C1QL2: variants seen among roughly 807,000 people sequenced by gnomAD.
C1QL2 encodes the protein complement C1q like 2.
Under a neutral mutation model 16.6 loss-of-function variants are expected in C1QL2, and 13 were observed. That is an observed-to-expected ratio of 0.78 (90% CI 0.51 to 1.25). C1QL2 has a LOEUF of 1.25. Among genes scored for constraint, C1QL2 ranks in the 50% most tolerant of loss-of-function variants. The probability of loss-of-function intolerance (pLI) is 0.00; values close to 1 mark genes in which losing one functional copy is unlikely to be tolerated. For missense variants in C1QL2, 396 were observed against 409.6 expected, an observed-to-expected ratio of 0.97 and a Z score of 0.29; for synonymous variants, 210 against 183.2, an observed-to-expected ratio of 1.15 and a Z score of -1.18.
Position 119,156,649 on chromosome 2 carries a change from G to T in C1QL2, c.*153C>A. 1.1e-6 allele frequency: 1 copy of T among 905,510 alleles called. No individual in the cohort carries two copies. The highest frequency in any genetic ancestry group is 1.6e-6 in the Non-Finnish European group (1 of 616,814). The allele number at this position is 905,510 out of a possible 1,614,324, so 56.1% of individuals were successfully genotyped here. The stretch of plus-strand genomic sequence containing the variant: ...GCGTGGTGGGTCGCAGACGCACTGA[G>T]GCCAGGAGCGGGGCAGGGAGGACGC... On this transcript the variant is annotated 3_prime_UTR_variant, in exon 2 of 2. Transcript: ENST00000272520.
In C1QL2 at chr2:119,158,287, C is replaced by A; in HGVS notation, c.-18G>T. The A allele has an allele frequency of 5.0e-6, 7 of 1,400,032 alleles. No individual in the cohort carries two copies. In the South Asian group the frequency reaches 1.1e-4, roughly 23 times the overall value. 86.7% of individuals were successfully genotyped at this position (1,400,032 alleles called of 1,614,324 possible). A position where few individuals can be genotyped will look rare whatever the true frequency, so the allele number is the denominator to read the frequency against. On this transcript the variant is annotated 5_prime_UTR_variant, in exon 1 of 2. Transcript: ENST00000272520. The stretch of plus-strand genomic sequence containing the variant: ...AGCGCCATGGCCAAGAGTACGCCGA[C>A]GGCCGCCAGGCAGGCACGCCGCCGC...
chr2:119,157,901 C>T lies in C1QL2; in HGVS notation c.369G>A (p.Ala123=). ...RPGLPGLQLT[A]GTASGVGVVG... is the part of the protein sequence containing the mutation. The stretch of plus-strand genomic sequence containing the variant: ...CCACCCCGACGCCGCTGGCCGTGCC[C>T]GCCGTCAGTTGCAGCCCTGGCAGCC... The change falls in exon 1 of 2, where the codon GCG becomes GCA. Residue 123 remains alanine, a synonymous_variant. Transcript: ENST00000272520. 6.4e-7 allele frequency: 1 copy of T among 1,565,840 alleles called. No individual in the cohort carries two copies. The highest frequency in any genetic ancestry group is 8.7e-7 in the Non-Finnish European group (1 of 1,156,022).
At position 119,158,356 on chromosome 2, in the gene C1QL2, C is replaced by G. The variant is rs1678002727; in HGVS notation, c.-87G>C. 8.5e-7 allele frequency: 1 copy of G among 1,169,822 alleles called. No individual in the cohort carries two copies. Among genetic ancestry groups the G allele is most frequent in the Non-Finnish European group, 1.1e-6 (1 of 919,458 alleles). The allele number at this position is 1,169,822 out of a possible 1,614,324, so 72.5% of individuals were successfully genotyped here. On this transcript the variant is annotated 5_prime_UTR_variant, in exon 1 of 2. Transcript: ENST00000272520. ...GCGACCGCCACCAGCTCCTCCTTGC[C>G]GCCCGGGGAGGTAATGGTGGGGCGG...
chr2:119,158,103 G>A lies in C1QL2; in HGVS notation c.167C>T (p.Thr56Ile). The A allele has an allele frequency of 6.5e-7, 1 of 1,532,752 alleles. No individual in the cohort carries two copies. The highest frequency in any genetic ancestry group is 1.7e-4 in the Middle Eastern group (1 of 5,724). 94.9% of individuals were successfully genotyped at this position (1,532,752 alleles called of 1,614,324 possible). The change falls in exon 1 of 2, where the codon ACC (threonine) becomes ATC (isoleucine). Residue 56 changes from threonine (T) to isoleucine (I), a missense_variant. Physicochemically the swap from Thr to Ile is moderately conservative, Grantham distance 89. Transcript: ENST00000272520. Reference protein sequence around the residue: ...GAKAQPPGPSTAALEVMQDLS... With the variant: ...GAKAQPPGPSIAALEVMQDLS... ...GTCCTGCATGACTTCCAGGGCGGCG[G>A]TGCTGGGTCCGGGTGGCTGCGCCTT...
At position 119,157,997 on chromosome 2, in the gene C1QL2, C is replaced by A. The variant is rs1332339526; in HGVS notation, c.273G>T (p.Gly91=). The change falls in exon 1 of 2, where the codon GGG becomes GGT. Residue 91 remains glycine, a synonymous_variant. Coordinates refer to ENST00000272520, the MANE Select transcript of C1QL2 (RefSeq NM_182528.4). ...PGRPGKPGPR[G]PPGEPGPPGP... Reference sequence around the variant, plus strand: ...CAGGCGGGCCCGGCTCTCCAGGGGGCCCCCGCGGCCCTGGCTTGCCCGGTC... The same window carrying A: ...CAGGCGGGCCCGGCTCTCCAGGGGGACCCCGCGGCCCTGGCTTGCCCGGTC... 5.3e-6 allele frequency: 8 copies of A among 1,519,374 alleles called. No homozygotes were observed. The highest frequency in any genetic ancestry group is 2.9e-5 in the African/African-American group (2 of 69,002). 94.1% of individuals were successfully genotyped at this position (1,519,374 alleles called of 1,614,324 possible).
chr2:119,157,968 G>C lies in C1QL2; in HGVS notation c.302C>G (p.Pro101Arg), dbSNP rs1057087559. Residue 101 changes from proline to arginine, a missense_variant, in exon 1 of 2, where the codon CCC becomes CGC. Physicochemically the swap from Pro to Arg is moderately radical, Grantham distance 103. Around this residue, in one of 2 missense-constraint regions of C1QL2, gnomAD observed 353 missense variants for 334.8 expected, o/e 1.05. Transcript: ENST00000272520. ...GCCCTTCTCTCCCGGAGGGCCCCTG[G>C]GTCCAGGCGGGCCCGGCTCTCCAGG... Reference protein sequence around the residue: ...GPPGEPGPPGPRGPPGEKGDS... With the variant: ...GPPGEPGPPGRRGPPGEKGDS... 1 of 1,521,632 alleles carries C rather than the reference G, an allele frequency of 6.6e-7. No homozygotes were observed. The highest frequency in any genetic ancestry group is 8.8e-7 in the Non-Finnish European group (1 of 1,135,342). 94.3% of individuals were successfully genotyped at this position (1,521,632 alleles called of 1,614,324 possible). A position where few individuals can be genotyped will look rare whatever the true frequency, so the allele number is the denominator to read the frequency against.
chr2:119,157,535 CAGGGCGCGGGCG>C, intron 1 of C1QL2, 39 bp downstream of exon 1: 1 of 1,550,230 alleles, frequency 6.5e-7, no homozygotes, highest in Non-Finnish European at 8.7e-7. Context: ...CTGGGAGGTT[CAGGGCGCGGGCG>C]AGGGTTTACG....
Position 119,156,485 on chromosome 2 carries a change from G to A in C1QL2, c.*317C>T, listed in dbSNP as rs908194037. On this transcript the variant is annotated 3_prime_UTR_variant, in exon 2 of 2. Coordinates refer to ENST00000272520, the MANE Select transcript of C1QL2 (RefSeq NM_182528.4). ...CTCCGCTTCTAGGCACTGGGAGGAG[G>A]CTGTCTGAGGAGGGCAGGCTCCCGG... is the stretch of plus-strand genomic sequence containing the variant. 1.3e-4 allele frequency: 29 copies of A among 215,722 alleles called. No homozygotes were observed. The highest frequency in any genetic ancestry group is 2.3e-4 in the Non-Finnish European group (25 of 109,084). 13.4% of individuals were successfully genotyped at this position (215,722 alleles called of 1,614,324 possible). A position where few individuals can be genotyped will look rare whatever the true frequency, so the allele number is the denominator to read the frequency against.
Position 119,158,582 on chromosome 2 carries a change from C to T in C1QL2, c.-313G>A. ...ATGACGTGGGGCACACAAGACGAAT[C>T]CGGCGCCCCGAGGGTCCGGCGCCGG... On this transcript the variant is annotated 5_prime_UTR_variant, in exon 1 of 2. Transcript: ENST00000272520. 5.4e-6 allele frequency: 1 copy of T among 184,860 alleles called. No individual in the cohort carries two copies. Among genetic ancestry groups the T allele is most frequent in the Non-Finnish European group, 1.1e-5 (1 of 88,806 alleles). The allele number at this position is 184,860 out of a possible 1,614,324, so 11.5% of individuals were successfully genotyped here.
Position 119,157,896 on chromosome 2 carries a change from G to T in C1QL2, c.374C>A (p.Thr125Lys). 1.3e-6 allele frequency: 2 copies of T among 1,566,240 alleles called. No homozygotes were observed. The highest frequency in any genetic ancestry group is 8.6e-7 in the Non-Finnish European group (1 of 1,156,408). ...GCCCACCACCCCGACGCCGCTGGCC[G>T]TGCCCGCCGTCAGTTGCAGCCCTGG... ...GLPGLQLTAG[T>K]ASGVGVVGGG... Residue 125 changes from threonine to lysine, a missense_variant, in exon 1 of 2, where the codon ACG becomes AAG. By Grantham distance (78) the Thr-to-Lys change is moderately conservative. Transcript: ENST00000272520.
chr2:119,158,647 C>G lies in C1QL2; in HGVS notation c.-378G>C, dbSNP rs1347127014. ...CGCTGGCCGGGGAGTCTGCTTGCGGCGTCCGGCGCTGGCTCCGCGGCGCTG... is the reference window on the plus strand; with the variant it reads ...CGCTGGCCGGGGAGTCTGCTTGCGGGGTCCGGCGCTGGCTCCGCGGCGCTG... On this transcript the variant is annotated 5_prime_UTR_variant, in exon 1 of 2. Coordinates refer to ENST00000272520, the MANE Select transcript of C1QL2 (RefSeq NM_182528.4). 2 of 155,864 alleles carry G rather than the reference C, an allele frequency of 1.3e-5. No homozygotes were observed. Among genetic ancestry groups the G allele is most frequent in the African/African-American group, 4.8e-5 (2 of 41,638 alleles). The allele number at this position is 155,864 out of a possible 1,614,324, so 9.7% of individuals were successfully genotyped here.
In C1QL2 at chr2:119,158,290, C is replaced by T. The variant is rs1211709415; in HGVS notation, c.-21G>A. The T allele has an allele frequency of 3.6e-6, 5 of 1,387,630 alleles. No individual in the cohort carries two copies. The highest frequency in any genetic ancestry group is 3.7e-6 in the Non-Finnish European group (4 of 1,079,014). The allele number at this position is 1,387,630 out of a possible 1,614,324, so 86.0% of individuals were successfully genotyped here. On this transcript the variant is annotated 5_prime_UTR_variant, in exon 1 of 2. Coordinates refer to ENST00000272520, the MANE Select transcript of C1QL2 (RefSeq NM_182528.4). ...GCCATGGCCAAGAGTACGCCGACGG[C>T]CGCCAGGCAGGCACGCCGCCGCCGC...
At position 119,156,739 on chromosome 2, in the gene C1QL2, G is replaced by A; in HGVS notation, c.*63C>T. 1 of 1,552,958 alleles carries A rather than the reference G, an allele frequency of 6.4e-7. No individual in the cohort carries two copies. Among genetic ancestry groups the A allele is most frequent in the Non-Finnish European group, 8.7e-7 (1 of 1,149,172 alleles). On this transcript the variant is annotated 3_prime_UTR_variant, in exon 2 of 2. Transcript: ENST00000272520. ...ATGAATCGAGAGTGGCCTTTGCCAA[G>A]GAGCCGCGCCCGGGCGGAGACCGGG...
chr2:119,158,360 C>G lies in C1QL2; in HGVS notation c.-91G>C. On this transcript the variant is annotated 5_prime_UTR_variant, in exon 1 of 2. Transcript: ENST00000272520. ...CCGCCACCAGCTCCTCCTTGCCGCCCGGGGAGGTAATGGTGGGGCGGCGCG... is the reference window on the plus strand; with the variant it reads ...CCGCCACCAGCTCCTCCTTGCCGCCGGGGGAGGTAATGGTGGGGCGGCGCG... The G allele has an allele frequency of 1.3e-5, 15 of 1,162,242 alleles. No individual in the cohort carries two copies. Among genetic ancestry groups the G allele is most frequent in the Non-Finnish European group, 1.5e-5 (14 of 913,770 alleles). The allele number at this position is 1,162,242 out of a possible 1,614,324, so 72.0% of individuals were successfully genotyped here.
rs750958577 is a variant in C1QL2 at position 119,158,241 on chromosome 2, G to C, written c.29C>G (p.Pro10Arg). 1 of 1,571,344 alleles carries C rather than the reference G, an allele frequency of 6.4e-7. No individual in the cohort carries two copies. The highest frequency in any genetic ancestry group is 8.6e-7 in the Non-Finnish European group (1 of 1,164,082). Residue 10 changes from proline to arginine, a missense_variant, in exon 1 of 2, where the codon CCG becomes CGG. Physicochemically the swap from Pro to Arg is moderately radical, Grantham distance 103. Coordinates refer to ENST00000272520, the MANE Select transcript of C1QL2 (RefSeq NM_182528.4). The stretch of plus-strand genomic sequence containing the variant: ...TCGGGGCGCCGCCTGCAGCAGCAGC[G>C]GCACGGCGATGAGCAGCCCGAGCGC... MALGLLIAV[P>R]LLLQAAPRGA...
intron 1 of C1QL2, 99 bp downstream of exon 1, chr2:119,157,487 A>G (rs1677980996): frequency 7.1e-7 from 1 of 1,406,858 alleles, no homozygotes. Context: ...CGGGGCTCGC[A>G]GGGTAGCCCG....
Position 119,158,260 on chromosome 2 carries a change from C to G in C1QL2, c.10G>C (p.Gly4Arg). 6.5e-7 allele frequency: 1 copy of G among 1,539,140 alleles called. No individual in the cohort carries two copies. Among genetic ancestry groups the G allele is most frequent in the Non-Finnish European group, 8.7e-7 (1 of 1,152,604 alleles). Reference protein sequence around the residue: MALGLLIAVPLLLQ... With the variant: MALRLLIAVPLLLQ... ...AGCAGCGGCACGGCGATGAGCAGCCCGAGCGCCATGGCCAAGAGTACGCCG... is the reference window on the plus strand; with the variant it reads ...AGCAGCGGCACGGCGATGAGCAGCCGGAGCGCCATGGCCAAGAGTACGCCG... Residue 4 changes from glycine (G) to arginine (R), a missense_variant, in exon 1 of 2, where the codon GGG (glycine) becomes CGG (arginine). Physicochemically the swap from Gly to Arg is moderately radical, Grantham distance 125. Around this residue, in one of 2 missense-constraint regions of C1QL2, gnomAD observed 353 missense variants for 334.8 expected, o/e 1.05. Coordinates refer to ENST00000272520, the MANE Select transcript of C1QL2 (RefSeq NM_182528.4).
chr2:119,157,572 T>C lies in C1QL2; in HGVS notation c.684+14A>G. 1 of 1,613,260 alleles carries C rather than the reference T, an allele frequency of 6.2e-7. No homozygotes were observed. Among genetic ancestry groups the C allele is most frequent in the Non-Finnish European group, 8.5e-7 (1 of 1,179,786 alleles). The stretch of plus-strand genomic sequence containing the variant: ...GAGGGTTTACGGGGGCCGGTGAGTG[T>C]AGGGGTCACTGACCTGCCCGTTCTT... On this transcript the variant is annotated intron_variant, in intron 1 of 1. Coordinates refer to ENST00000272520, the MANE Select transcript of C1QL2 (RefSeq NM_182528.4).
At chr2:119,157,439 GAAGCGGAGATAC>G (rs1677980206) in intron 1 of C1QL2, 135 bp downstream of exon 1, 10 of 1,012,294 alleles carry the variant, frequency 9.9e-6, no homozygotes, top group Non-Finnish European at 1.4e-5. Flanking sequence ...GGCGCATCGG[GAAGCGGAGATAC>G]TGTGGCACCG....
Sources: allele counts gnomAD v4.1 joint callset, GRCh38; gene constraint gnomAD v4.1.1; regional missense constraint gnomAD v4.1.1; transcripts MANE v1.5; gene names NCBI Gene and HGNC (gene_info 2026-07-23, HGNC 2026-07-21).